Variants in DOC2A observed in about 807,000 individuals in gnomAD.
DOC2A encodes the protein double C2 domain alpha, also known as double C2-like domain-containing protein alpha.
In DOC2A, 28 loss-of-function variants were observed where a neutral mutation model predicts 40.6. That is an observed-to-expected ratio of 0.69 (90% CI 0.51 to 0.95). DOC2A has a LOEUF of 0.95. DOC2A is among the 40% of genes least tolerant of loss of function. The pLI is 0.00. For synonymous variants in DOC2A, 241 were observed against 236.9 expected, an observed-to-expected ratio of 1.02 and a Z score of -0.16; for missense variants, 474 against 552.5, an observed-to-expected ratio of 0.86 and a Z score of 1.42.
At chr16:30,016,046 TATATA>T (rs1456798695), upstream of DOC2A, among the ~76,000 whole-genome samples, 18 of 26,112 alleles carry the variant, frequency 6.9e-4, no homozygotes, top group Admixed American at 5.3e-4. Flanking sequence ...TATATATATA[TATATA>T]TATATTTTTT....
rs2070554584 is a variant in DOC2A at position 30,005,664 on chromosome 16, G to T, written c.*522C>A. ...CCCTCCAGGGGACAGTTATTTAAACGAGTGGCCGGGAGCATCTGCCACCTG... is the reference window on the plus strand; with the variant it reads ...CCCTCCAGGGGACAGTTATTTAAACTAGTGGCCGGGAGCATCTGCCACCTG... On this transcript the variant is annotated 3_prime_UTR_variant, in exon 11 of 11. Coordinates refer to ENST00000350119, the MANE Select transcript of DOC2A (RefSeq NM_003586.3). 1.8e-6 allele frequency: 1 copy of T among 564,208 alleles called. No individual in the cohort carries two copies. Among genetic ancestry groups the T allele is most frequent in the South Asian group, 2.3e-5 (1 of 42,732 alleles). The allele number at this position is 564,208 out of a possible 1,614,324, so 35.0% of individuals were successfully genotyped here.
In DOC2A at chr16:30,010,097, A is replaced by G; in HGVS notation, c.126T>C (p.Pro42=). 6.2e-7 allele frequency: 1 copy of G among 1,612,910 alleles called. No homozygotes were observed. Among genetic ancestry groups the G allele is most frequent in the Non-Finnish European group, 8.5e-7 (1 of 1,179,340 alleles). Residue 42 remains proline, a synonymous_variant, in exon 2 of 11, where the codon CCT becomes CCC. Coordinates refer to ENST00000350119, the MANE Select transcript of DOC2A (RefSeq NM_003586.3). The surrounding 1 kb of genome is among the most constrained non-coding windows in gnomAD (Gnocchi z 4.2). ...CCCCGCCGCCCCCGCCGCCCCCTTC[A>G]GGTCCTGGTCCCCGGGGGAAGTAGT... ...ISDYFPRGPG[P]EGGGGGGGEA...
chr16:30,009,842 C>A lies in DOC2A; in HGVS notation c.262+119G>T, dbSNP rs544184187. 3.0e-4 allele frequency: 352 copies of A among 1,164,328 alleles called. 1 individual carries two copies. In the African/African-American group the frequency reaches 4.6e-3, roughly 15 times the overall value. 72.1% of individuals were successfully genotyped at this position (1,164,328 alleles called of 1,614,324 possible). On this transcript the variant is annotated intron_variant, in intron 2 of 10. Coordinates refer to ENST00000350119, the MANE Select transcript of DOC2A (RefSeq NM_003586.3). This position sits in a 1 kb window ranked among gnomAD's most constrained non-coding sequence, Gnocchi z 4.1. ...TGTGGTGGCCGTCCCTGCCACCCCC[C>A]CACTGCCCTCCTCCCCTACCTACAT... is the stretch of plus-strand genomic sequence containing the variant.
At position 30,010,934 on chromosome 16, in the gene DOC2A, G is replaced by C. The variant is rs1039047952; in HGVS notation, c.-45C>G. 7.5e-5 allele frequency: 76 copies of C among 1,014,364 alleles called. No individual in the cohort carries two copies. The highest frequency in any genetic ancestry group is 8.5e-5 in the Non-Finnish European group (72 of 847,294). 62.8% of individuals were successfully genotyped at this position (1,014,364 alleles called of 1,614,324 possible). A position where few individuals can be genotyped will look rare whatever the true frequency, so the allele number is the denominator to read the frequency against. ...CTCCAACAGGTGCCCAGGCACTGGG[G>C]GGACGGCGGGCGCAGGCTGGGCGGC... On this transcript the variant is annotated 5_prime_UTR_variant, in exon 1 of 11. Transcript: ENST00000350119. The surrounding 1 kb of genome is among the most constrained non-coding windows in gnomAD (Gnocchi z 4.2).
chr16:30,023,036 G>A (rs561338226), upstream of DOC2A: 6 of 296,614 alleles, frequency 2.0e-5, no homozygotes, highest in East Asian at 3.2e-4. Context: ...GTGGCCCTGT[G>A]CCACCACCCC....
At position 30,006,508 on chromosome 16, in the gene DOC2A, T is replaced by TC. The variant is rs1393650426; in HGVS notation, c.961dup (p.Glu321GlyfsTer24). 1 of 1,613,272 alleles carries TC rather than the reference T, an allele frequency of 6.2e-7. No individual in the cohort carries two copies. The highest frequency in any genetic ancestry group is 8.5e-7 in the Non-Finnish European group (1 of 1,179,844). ...GGAGAGCTCTATCTCGTAGAAAAAC[T>TC]CCTAGGGACAAGGCCGGCCACCCGT... On this transcript the variant is annotated frameshift_variant and splice_region_variant, in exon 10 of 11. Coordinates refer to ENST00000350119, the MANE Select transcript of DOC2A (RefSeq NM_003586.3). LOFTEE classifies it high-confidence loss of function. The surrounding 1 kb of genome is among the most constrained non-coding windows in gnomAD (Gnocchi z 6.2).
At chr16:30,014,443 G>A (rs1222472337), upstream of DOC2A, among the ~76,000 whole-genome samples, 1 of 145,778 alleles carries the variant, frequency 6.9e-6, no homozygotes, top group Non-Finnish European at 1.5e-5. Flanking sequence ...AGACCATCTT[G>A]TCTAACACGG....
Position 30,005,769 on chromosome 16 carries a change from T to C in DOC2A, c.*417A>G, listed in dbSNP as rs2070560741. On this transcript the variant is annotated 3_prime_UTR_variant, in exon 11 of 11. Coordinates refer to ENST00000350119, the MANE Select transcript of DOC2A (RefSeq NM_003586.3). ...GGCTAGGTTTTTTCAATGAAGTTTC[T>C]GTATTAAAGGAGTGGCTCTGGGTTT... The C allele has an allele frequency of 2.1e-6, 1 of 468,958 alleles. No individual in the cohort carries two copies. The highest frequency in any genetic ancestry group is 4.1e-5 in the Admixed American group (1 of 24,298). 29.0% of individuals were successfully genotyped at this position (468,958 alleles called of 1,614,324 possible).
At chr16:30,012,257 C>T (rs897774277), upstream of DOC2A, 15 of 152,186 alleles carry the variant, frequency 9.9e-5, no homozygotes, top group Admixed American at 3.9e-4. Flanking sequence ...TTCCTAGGAG[C>T]CTTCCTGGGG....
At chr16:30,019,624 AC>A (rs1431132991) in intron 1 of DOC2A, among the ~76,000 whole-genome samples, 1 of 152,226 alleles carries the variant, frequency 6.6e-6, no homozygotes, top group Non-Finnish European at 1.5e-5. Flanking sequence ...ATTTGAGGAA[AC>A]AAAAGAAAGT....
Position 30,009,651 on chromosome 16 carries a change from T to A in DOC2A, c.263-94A>T. 8.3e-7 allele frequency: 1 copy of A among 1,201,348 alleles called. No individual in the cohort carries two copies. The highest frequency in any genetic ancestry group is 1.2e-6 in the Non-Finnish European group (1 of 838,818). The allele number at this position is 1,201,348 out of a possible 1,614,324, so 74.4% of individuals were successfully genotyped here. On this transcript the variant is annotated intron_variant, in intron 2 of 10. Transcript: ENST00000350119. This position sits in a 1 kb window ranked among gnomAD's most constrained non-coding sequence, Gnocchi z 4.1. ...CACTGGCTCTGTGTGTCTCTCTCTC[T>A]TGCCAGCCCGCGAGTGTGAGTGCAA...
At position 30,006,865 on chromosome 16, in the gene DOC2A, C is replaced by G; in HGVS notation, c.798G>C (p.Arg266=). ...AGCGCAAGATGCCTACCAGCAGTCC[C>G]CGGCGCCGCGAGCTGTAGCTGAGAC... ...LLSLSYSSRR[R]GLLVGILRCA... The change falls in exon 8 of 11, where the codon CGG becomes CGC. Residue 266 remains arginine, a synonymous_variant. Coordinates refer to ENST00000350119, the MANE Select transcript of DOC2A (RefSeq NM_003586.3). This position sits in a 1 kb window ranked among gnomAD's most constrained non-coding sequence, Gnocchi z 6.2. 1 of 1,613,642 alleles carries G rather than the reference C, an allele frequency of 6.2e-7. No homozygotes were observed. Among genetic ancestry groups the G allele is most frequent in the Non-Finnish European group, 8.5e-7 (1 of 1,179,806 alleles).
At position 30,010,757 on chromosome 16, in the gene DOC2A, G is replaced by C; in HGVS notation, c.-14+146C>G. The C allele has an allele frequency of 2.0e-6, 1 of 505,594 alleles. No individual in the cohort carries two copies. The highest frequency in any genetic ancestry group is 2.6e-6 in the Non-Finnish European group (1 of 379,208). 31.3% of individuals were successfully genotyped at this position (505,594 alleles called of 1,614,324 possible). A position where few individuals can be genotyped will look rare whatever the true frequency, so the allele number is the denominator to read the frequency against. On this transcript the variant is annotated intron_variant, in intron 1 of 10. Transcript: ENST00000350119. The surrounding 1 kb of genome is among the most constrained non-coding windows in gnomAD (Gnocchi z 4.2). ...CTCGCTCACCACAGCCCACGGTGGA[G>C]ACCCCAGCCTCAGATGCCACCTCTG...
rs1269475427 is a variant in DOC2A, at chr16:30,005,848, C to T, written c.*338G>A. On this transcript the variant is annotated 3_prime_UTR_variant, in exon 11 of 11. Coordinates refer to ENST00000350119, the MANE Select transcript of DOC2A (RefSeq NM_003586.3). ...CTCCTCCTCTGAACCTCCCCTAATC[C>T]GACCTCCTCCCTGTTGGGGGAGAGG... 8.4e-6 allele frequency: 4 copies of T among 473,974 alleles called. No homozygotes were observed. The highest frequency in any genetic ancestry group is 1.5e-5 in the Non-Finnish European group (4 of 265,912). The allele number at this position is 473,974 out of a possible 1,614,324, so 29.4% of individuals were successfully genotyped here. A position where few individuals can be genotyped will look rare whatever the true frequency, so the allele number is the denominator to read the frequency against.
upstream of DOC2A, among the ~76,000 whole-genome samples, chr16:30,022,450 C>A (rs2070925731): frequency 6.6e-6 from 1 of 152,012 alleles, no homozygotes; most frequent in Non-Finnish European, 1.5e-5. Flanking sequence ...GCTGGAGGAT[C>A]ACCTGAGGCC....
upstream of DOC2A, among the ~76,000 whole-genome samples, chr16:30,016,047 ATATATATATTTTTTT>A (rs2070852717): frequency 1.3e-4 from 3 of 22,464 alleles, no homozygotes; most frequent in African/African-American, 4.6e-4. Context: ...ATATATATAT[ATATATATATTTTTTT>A]TTTTTTTTTT....
rs1567282188 is a variant in DOC2A, at chr16:30,009,439, G to GCAAAC, written c.342+34_342+38dup. On this transcript the variant is annotated intron_variant, in intron 3 of 10. Transcript: ENST00000350119. The surrounding 1 kb of genome is among the most constrained non-coding windows in gnomAD (Gnocchi z 4.1). ...AATGGGCCCCCTCTGGGGGCTGCAC[G>GCAAAC]CAAACCGGGCCCGGGCTTGGGTGGC... is the stretch of plus-strand genomic sequence containing the variant. 1 of 1,545,354 alleles carries GCAAAC rather than the reference G, an allele frequency of 6.5e-7. No homozygotes were observed. Among genetic ancestry groups the GCAAAC allele is most frequent in the Non-Finnish European group, 8.8e-7 (1 of 1,142,036 alleles).
rs192793469 is a variant in DOC2A, at chr16:30,017,379, A to T, written c.-375-3783T>A. Among the ~76,000 whole-genome samples, 31 of 152,284 alleles carry T rather than the reference A, an allele frequency of 2.0e-4. No individual in the cohort carries two copies. The East Asian group carries it at 5.6e-3, about 27-fold the overall frequency. On this transcript the variant is annotated intron_variant, in intron 1 of 5. Coordinates refer to the DOC2A transcript ENST00000574405. ...CAGCACTGTTCACAATAGGAAAGAC[A>T]CAGAATCAATCTAGGTGCCCACCAA...
At chr16:30,007,385 T>A in intron 5 of DOC2A, 86 bp from the exon 6 acceptor site, 1 of 1,582,064 alleles carries the variant, frequency 6.3e-7, no homozygotes, top group Non-Finnish European at 8.7e-7. Flanking sequence ...AGCCCAGCTC[T>A]GCCCTAAACA....
Sources: gnomAD v4.1 joint callset for allele counts (sites outside exome capture counted in the v4.1 genomes callset) on GRCh38, gnomAD v4.1.1 for gene constraint, Gnocchi (gnomAD v3.1) non-coding constraint, MANE v1.5 for transcripts, NCBI Gene and HGNC (gene_info 2026-07-23, HGNC 2026-07-21) for gene names.